PCDH11X: variants seen among roughly 807,000 people sequenced by gnomAD.
PCDH11X encodes the protein protocadherin 11 X-linked.
Under a neutral mutation model 53.3 loss-of-function variants are expected in PCDH11X, and 18 were observed. The ratio of observed to expected loss-of-function variants is 0.34; its 90% confidence interval spans 0.23 to 0.50. The LOEUF (loss-of-function observed/expected upper bound fraction) is 0.50, where lower values mean the gene tolerates loss of function less well. PCDH11X is among the 20% of genes least tolerant of loss of function. PCDH11X has a pLI of 0.98. For missense variants in PCDH11X, 570 were observed against 1,032.4 expected (o/e 0.55, Z 6.14); for synonymous variants, 279 against 393.3 (o/e 0.71, Z 3.44).
At chrX:92,617,615 T>C (rs1320748915) in intron 10 of PCDH11X, among the ~76,000 whole-genome samples, 1 of 110,538 alleles carries the variant, frequency 9.0e-6, no homozygotes, top group Admixed American at 9.7e-5. Flanking sequence ...TTGAAGACTA[T>C]AGAGAAATTT....
At chrX:91,804,285 A>T (rs1936028003) in intron 1 of PCDH11X, among the ~76,000 whole-genome samples, 1 of 110,686 alleles carries the variant, frequency 9.0e-6, no homozygotes, top group Non-Finnish European at 1.9e-5. Flanking sequence ...CAATAATGCC[A>T]CAAAATATGA....
intron 6 of PCDH11X, among the ~76,000 whole-genome samples, chrX:91,932,390 C>A (rs1343632274): frequency 9.9e-6 from 1 of 100,919 alleles, no homozygotes; most frequent in Non-Finnish European, 2.0e-5. Flanking sequence ...GGAGGTGAGA[C>A]AGGGGGAGAA....
At chrX:92,578,324 C>T (rs1171766541) in intron 10 of PCDH11X, among the ~76,000 whole-genome samples, 6 of 106,589 alleles carry the variant, frequency 5.6e-5, no homozygotes, top group African/African-American at 2.1e-4. Flanking sequence ...CAAACCTGCA[C>T]GTTCTGCACA....
At chrX:92,216,617 G>A (rs2066720586) in intron 7 of PCDH11X, among the ~76,000 whole-genome samples, 1 of 96,028 alleles carries the variant, frequency 1.0e-5, no homozygotes, top group African/African-American at 3.8e-5. Context: ...AACCAAGTTG[G>A]AAAAAACTCT....
chrX:91,792,016 C>T (rs34354945), intron 1 of PCDH11X, among the ~76,000 whole-genome samples: 2 of 109,445 alleles, frequency 1.8e-5, no homozygotes, highest in Admixed American at 9.7e-5. Flanking sequence ...CGCCCGCCAC[C>T]GCGCCTGGCT....
intron 7 of PCDH11X, among the ~76,000 whole-genome samples, chrX:92,237,537 A>G (rs2067193342): frequency 9.0e-6 from 1 of 111,598 alleles, no homozygotes; most frequent in African/African-American, 3.2e-5. Flanking sequence ...AGTAAACTCA[A>G]TAAAAGATAG....
At chrX:92,563,996 A>G (rs1352312448) in intron 10 of PCDH11X, among the ~76,000 whole-genome samples, 1 of 110,286 alleles carries the variant, frequency 9.1e-6, no homozygotes, top group Non-Finnish European at 1.9e-5. Context: ...AATCTGAAAA[A>G]GAAATAAAAT....
intron 6 of PCDH11X, among the ~76,000 whole-genome samples, chrX:92,043,897 AAG>A (rs1286959737): frequency 9.1e-6 from 1 of 110,141 alleles, no homozygotes. Flanking sequence ...TAGAGTTAAA[AAG>A]AGATATTCCA....
At chrX:92,617,422 G>T (rs139146453) in intron 10 of PCDH11X, among the ~76,000 whole-genome samples, 2,861 of 111,403 alleles carry the variant, frequency 0.026, 138 homozygotes, top group East Asian at 0.17. Flanking sequence ...GTTGTAAGGT[G>T]CATACACACA....
chrX:91,899,086 A>G (rs1302682860), intron 6 of PCDH11X, among the ~76,000 whole-genome samples: 1 of 111,470 alleles, frequency 9.0e-6, no homozygotes, highest in Non-Finnish European at 1.9e-5. Flanking sequence ...GGGGAGTTTA[A>G]TAAGGAGTAT....
chrX:92,263,333 G>A (rs979729277), intron 8 of PCDH11X, among the ~76,000 whole-genome samples, 190 bp downstream of exon 8: 5 of 111,291 alleles, frequency 4.5e-5, no homozygotes, highest in East Asian at 2.8e-4. Flanking sequence ...AAACAATTTC[G>A]AGTCTCGTTT....
intron 4 of PCDH11X, among the ~76,000 whole-genome samples, chrX:91,815,832 T>C (rs2056301225): frequency 9.1e-6 from 1 of 109,724 alleles, no homozygotes; most frequent in Non-Finnish European, 1.9e-5. Flanking sequence ...GAAAACTAAT[T>C]AAGCAACATT....
At chrX:92,299,740 A>AT (rs2068682849) in intron 8 of PCDH11X, among the ~76,000 whole-genome samples, 3 of 109,785 alleles carry the variant, frequency 2.7e-5, no homozygotes, top group East Asian at 2.9e-4. Flanking sequence ...TGTCTTATTA[A>AT]TTTTTTTCAA....
At chrX:92,139,981 C>CT (rs564798316) in intron 6 of PCDH11X, among the ~76,000 whole-genome samples, 254 of 100,558 alleles carry the variant, frequency 2.5e-3, no homozygotes, top group East Asian at 1.0e-2. Flanking sequence ...TCTATTCTTC[C>CT]TTTTTTTTTT....
rs776246734 is a variant in PCDH11X, at chrX:92,041,260, G to A, written c.3034-160115G>A. On this transcript the variant is annotated intron_variant, in intron 6 of 10. Transcript: ENST00000682573. ...ATTATGGTGACTTTTAAAACATTAC[G>A]TTTTGAAAAGTATGCATATTCATAT... Among the ~76,000 whole-genome samples, 557 of 105,096 alleles carry A rather than the reference G, an allele frequency of 5.3e-3. 3 individuals carry two copies. The highest frequency in any genetic ancestry group is 0.018 in the African/African-American group (516 of 28,907). The allele number at this position is 105,096 out of a possible 115,157, so 91.3% of individuals were successfully genotyped here. A position where few individuals can be genotyped will look rare whatever the true frequency, so the allele number is the denominator to read the frequency against.
At chrX:91,973,417 A>T (rs1298245866) in intron 6 of PCDH11X, among the ~76,000 whole-genome samples, 1 of 102,540 alleles carries the variant, frequency 9.8e-6, no homozygotes, top group Non-Finnish European at 2.0e-5. Context: ...GTGCACATGT[A>T]CCCTAAAACT....
At chrX:92,525,523 T>G (rs1360652933) in intron 10 of PCDH11X, among the ~76,000 whole-genome samples, 1 of 105,389 alleles carries the variant, frequency 9.5e-6, no homozygotes, top group Admixed American at 1.0e-4. Flanking sequence ...CCCAGCTACA[T>G]GGGTGGCTGA....
At chrX:91,851,739 G>T (rs1221325006) in intron 5 of PCDH11X, among the ~76,000 whole-genome samples, 2 of 111,422 alleles carry the variant, frequency 1.8e-5, no homozygotes, top group East Asian at 5.6e-4. Context: ...TAGACTAATT[G>T]GATTTACATA....
chrX:91,941,001 A>G (rs182389497), intron 6 of PCDH11X, among the ~76,000 whole-genome samples: 46 of 111,105 alleles, frequency 4.1e-4, no homozygotes, highest in African/African-American at 1.4e-3. Flanking sequence ...TGTAAAAAAT[A>G]TTCAATCTAC....
Sources: gnomAD v4.1 joint callset for allele counts (sites outside exome capture counted in the v4.1 genomes callset) on GRCh38, gnomAD v4.1.1 for gene constraint, MANE v1.5 for transcripts, NCBI Gene and HGNC (gene_info 2026-07-23, HGNC 2026-07-21) for gene names.